GPC3: variants seen among roughly 807,000 people sequenced by gnomAD.
GPC3 encodes the protein glypican-3.
GPC3 carries 3 observed loss-of-function variants against 34.4 expected under a neutral mutation model. The ratio of observed to expected loss-of-function variants is 0.09; its 90% confidence interval spans 0.04 to 0.23. GPC3 has a LOEUF of 0.23. GPC3 is among the 10% of genes least tolerant of loss of function. GPC3 has a pLI of 1.00. For synonymous variants in GPC3, 177 were observed against 174.0 expected (o/e 1.02, Z -0.13); for missense variants, 351 against 445.6 (o/e 0.79, Z 1.91).
intron 2 of GPC3, among the ~76,000 whole-genome samples, chrX:133,782,956 G>C (rs186726112): frequency 9.0e-6 from 1 of 111,163 alleles, no homozygotes; most frequent in Admixed American, 9.6e-5. Context: ...AGCTCATTAG[G>C]CCAGCAGAGT....
chrX:133,947,527 C>T (rs1478243894), intron 2 of GPC3, among the ~76,000 whole-genome samples: 1 of 111,965 alleles, frequency 8.9e-6, no homozygotes, highest in Non-Finnish European at 1.9e-5. Flanking sequence ...TCTACTAAAG[C>T]CACAGAATTT....
intron 2 of GPC3, among the ~76,000 whole-genome samples, chrX:133,915,899 C>T (rs1339535466): frequency 1.8e-5 from 2 of 111,032 alleles, no homozygotes; most frequent in Non-Finnish European, 3.8e-5. Context: ...GCCTGTAATC[C>T]CAGCACCTTG....
At chrX:133,573,379 G>A (rs996778229) in intron 7 of GPC3, among the ~76,000 whole-genome samples, 6 of 111,652 alleles carry the variant, frequency 5.4e-5, no homozygotes, top group Admixed American at 4.8e-4. Flanking sequence ...TGCCTATTCT[G>A]TTCAACATGG....
chrX:133,863,429 G>A (rs772690588), intron 2 of GPC3, among the ~76,000 whole-genome samples: 2 of 111,288 alleles, frequency 1.8e-5, no homozygotes, highest in South Asian at 3.8e-4. Context: ...TTGGTAGGCA[G>A]TAAATAAATG....
chrX:133,551,285 C>T (rs1227631019), intron 7 of GPC3, among the ~76,000 whole-genome samples: 2 of 111,497 alleles, frequency 1.8e-5, no homozygotes, highest in Non-Finnish European at 3.8e-5. Flanking sequence ...TGTAATAGTA[C>T]AAAGCAGTAA....
chrX:133,879,692 G>C (rs2076033074), intron 2 of GPC3, among the ~76,000 whole-genome samples: 1 of 109,766 alleles, frequency 9.1e-6, no homozygotes, highest in Non-Finnish European at 1.9e-5. Context: ...TGTAATCCCA[G>C]CTACTCAGGA....
chrX:133,850,214 G>GTTTTTTTTTTTTTTTTTTTTTTTTTTTTT (rs2075867333), intron 2 of GPC3, among the ~76,000 whole-genome samples: 1 of 30,217 alleles, frequency 3.3e-5, no homozygotes, highest in African/African-American at 1.1e-4. Flanking sequence ...TTTTTTTTTT[G>GTTTTTTTTTTTTTTTTTTTTTTTTTTTTT]GTAAATAAAG....
intron 6 of GPC3, among the ~76,000 whole-genome samples, chrX:133,647,069 T>C (rs115431211): frequency 0.052 from 5,831 of 111,785 alleles, 394 homozygotes; most frequent in African/African-American, 0.18. Context: ...TTTTGTAACT[T>C]TTTTGATGGC....
chrX:133,656,384 A>G (rs1359616268), intron 6 of GPC3, among the ~76,000 whole-genome samples: 1 of 112,146 alleles, frequency 8.9e-6, no homozygotes, highest in African/African-American at 3.2e-5. Flanking sequence ...AGAGAATGAA[A>G]TCAGTAGCTC....
intron 1 of GPC3, among the ~76,000 whole-genome samples, chrX:133,970,555 G>A (rs1383119789): frequency 9.1e-6 from 1 of 109,453 alleles, no homozygotes; most frequent in Non-Finnish European, 1.9e-5. Flanking sequence ...ATAGGAAGAA[G>A]AACCTAATGT....
intron 2 of GPC3, among the ~76,000 whole-genome samples, chrX:133,879,678 T>C (rs901003299): frequency 4.6e-5 from 5 of 109,524 alleles, no homozygotes; most frequent in Non-Finnish European, 9.5e-5. Flanking sequence ...TGGTGGTGGG[T>C]GCCTGTAATC....
chrX:133,647,249 C>T (rs1262020397), intron 6 of GPC3, among the ~76,000 whole-genome samples: 2 of 112,495 alleles, frequency 1.8e-5, no homozygotes, highest in African/African-American at 6.5e-5. Flanking sequence ...AAATAGTTAT[C>T]AGCCACTTAT....
At chrX:133,684,588 G>C (rs1333136954) in intron 5 of GPC3, among the ~76,000 whole-genome samples, 1 of 111,066 alleles carries the variant, frequency 9.0e-6, no homozygotes, top group Non-Finnish European at 1.9e-5. Context: ...ATGTTTTTCT[G>C]TACCCTCTTC....
intron 3 of GPC3, 46 bp from the exon 4 acceptor site, chrX:133,700,074 T>C (rs761210316): frequency 1.9e-6 from 2 of 1,043,290 alleles, no homozygotes; most frequent in South Asian, 3.9e-5. Flanking sequence ...TGTGCAGATA[T>C]GATAGTAGAA....
At chrX:133,733,636 C>A (rs2071482762) in intron 3 of GPC3, among the ~76,000 whole-genome samples, 1 of 110,272 alleles carries the variant, frequency 9.1e-6, no homozygotes, top group Non-Finnish European at 1.9e-5. Context: ...GTTTGATAAA[C>A]CTTTAGCTAG....
intron 2 of GPC3, among the ~76,000 whole-genome samples, chrX:133,850,189 G>GTTTTTTTTTTTTTTTTTT (rs1282213093): frequency 1.4e-5 from 1 of 72,645 alleles, no homozygotes; most frequent in African/African-American, 7.6e-5. Flanking sequence ...TGTTTTTTGG[G>GTTTTTTTTTTTTTTTTTT]TTTTGTTTTT....
chrX:133,743,135 G>C (rs1459755073), intron 3 of GPC3, among the ~76,000 whole-genome samples: 1 of 112,935 alleles, frequency 8.9e-6, no homozygotes, highest in African/African-American at 3.2e-5. Context: ...AAGGTAAACT[G>C]TAAGACCTAG....
chrX:133,684,234 T>C (rs1314238967), intron 5 of GPC3, among the ~76,000 whole-genome samples: 3 of 111,786 alleles, frequency 2.7e-5, no homozygotes, highest in Non-Finnish European at 5.6e-5. Flanking sequence ...AAAACTAAAG[T>C]AGAAATGAAA....
At chrX:133,920,854 C>T (rs1277048633) in intron 2 of GPC3, among the ~76,000 whole-genome samples, 1 of 111,707 alleles carries the variant, frequency 9.0e-6, no homozygotes, top group African/African-American at 3.3e-5. Context: ...ATATTAACAC[C>T]TTACATAACC....
Sources: allele counts gnomAD v4.1 joint callset (sites outside exome capture counted in the v4.1 genomes callset), GRCh38; gene constraint gnomAD v4.1.1; transcripts MANE v1.5; gene names NCBI Gene and HGNC (gene_info 2026-07-23, HGNC 2026-07-21).